The following TENM4 variants were observed in gnomAD, a reference collection of about 807,000 sequenced individuals.
The protein encoded by TENM4 is teneurin transmembrane protein 4, also known as teneurin-4.
Under a neutral mutation model 243.3 loss-of-function variants are expected in TENM4, and 82 were observed. The observed-to-expected ratio is 0.34, with a 90% CI of 0.28 to 0.40. TENM4 has a LOEUF of 0.40. Among genes scored for constraint, TENM4 ranks in the 10% least tolerant of loss-of-function variants. The pLI is 1.00. For missense variants in TENM4, 3,138 were observed against 3,673.3 expected (o/e 0.85, Z 3.77); for synonymous variants, 1,412 against 1,456.3 (o/e 0.97, Z 0.69).
intron 6 of TENM4, among the ~76,000 whole-genome samples, chr11:78,959,221 C>T (rs758391433): frequency 5.8e-4 from 88 of 152,134 alleles, no homozygotes; most frequent in Non-Finnish European, 1.1e-3. Flanking sequence ...AGTTATATCT[C>T]GGAGGAAGGA....
chr11:79,148,404 C>T (rs185423219), intron 4 of TENM4, among the ~76,000 whole-genome samples: 4 of 152,098 alleles, frequency 2.6e-5, no homozygotes, highest in African/African-American at 9.6e-5. Flanking sequence ...CAAGAACAGG[C>T]CAGGGATCTA....
intron 19 of TENM4, among the ~76,000 whole-genome samples, chr11:78,746,175 A>G (rs575638412): frequency 5.3e-5 from 8 of 152,314 alleles, no homozygotes; most frequent in Non-Finnish European, 1.0e-4. Flanking sequence ...GACTGAGTCC[A>G]CGTTCCTCAT....
intron 10 of TENM4, 49 bp downstream of exon 10, chr11:78,862,913 C>T: frequency 7.4e-7 from 1 of 1,350,282 alleles, no homozygotes; most frequent in Non-Finnish European, 9.7e-7. Flanking sequence ...CTCTTCAGCT[C>T]AGAGGCAGAC....
At chr11:79,415,918 C>G (rs933917432) in intron 1 of TENM4, among the ~76,000 whole-genome samples, 2 of 151,952 alleles carry the variant, frequency 1.3e-5, no homozygotes, top group Non-Finnish European at 2.9e-5. Context: ...TCCAGGCAAC[C>G]CCTGACCTGC....
At chr11:78,855,841 T>A in intron 11 of TENM4, 123 bp downstream of exon 11, 3 of 910,588 alleles carry the variant, frequency 3.3e-6, no homozygotes, top group African/African-American at 3.4e-5. Context: ...CATGAATGAA[T>A]GGGCTATAAA....
chr11:78,713,755 T>C (rs1015736102), intron 25 of TENM4, among the ~76,000 whole-genome samples: 1 of 152,230 alleles, frequency 6.6e-6, no homozygotes, highest in Non-Finnish European at 1.5e-5. Context: ...AATGATTGTG[T>C]CTCTTCTTGC....
intron 6 of TENM4, among the ~76,000 whole-genome samples, chr11:78,968,388 G>A (rs1857478475): frequency 1.3e-5 from 2 of 152,154 alleles, no homozygotes. Flanking sequence ...AGGCTCAAGC[G>A]ATCCTCCCAC....
At chr11:79,022,388 T>C (rs1377641864) in intron 6 of TENM4, among the ~76,000 whole-genome samples, 1 of 152,094 alleles carries the variant, frequency 6.6e-6, no homozygotes, top group Non-Finnish European at 1.5e-5. Context: ...TCAAAGGATG[T>C]GCCACCAGTC....
At chr11:79,163,515 A>G (rs1052466244) in intron 3 of TENM4, among the ~76,000 whole-genome samples, 1 of 151,778 alleles carries the variant, frequency 6.6e-6, no homozygotes, top group African/African-American at 2.4e-5. Context: ...CCTATACCCA[A>G]TGTGTAGTCT....
chr11:79,114,411 A>G (rs1023341668), intron 4 of TENM4, among the ~76,000 whole-genome samples: 2 of 152,162 alleles, frequency 1.3e-5, no homozygotes, highest in African/African-American at 4.8e-5. Flanking sequence ...CCTTGTGCAA[A>G]TTTTCTTCAA....
intron 30 of TENM4, 55 bp downstream of exon 30, chr11:78,676,097 C>G (rs1034364356): frequency 7.8e-6 from 11 of 1,412,062 alleles, no homozygotes; most frequent in Admixed American, 2.6e-5. Context: ...GCCCCGTTCT[C>G]CCGTTCCCCA....
chr11:79,427,213 C>T (rs557745034), intron 1 of TENM4, among the ~76,000 whole-genome samples: 4 of 152,294 alleles, frequency 2.6e-5, no homozygotes, highest in East Asian at 3.9e-4. Flanking sequence ...AGGCCCATCA[C>T]GGATCAGCAC....
intron 1 of TENM4, among the ~76,000 whole-genome samples, chr11:79,389,226 G>T (rs758590272): frequency 1.1e-4 from 17 of 152,146 alleles, no homozygotes; most frequent in Admixed American, 2.0e-4. Flanking sequence ...TAAAATCATG[G>T]CTCACTGCAG....
intron 1 of TENM4, among the ~76,000 whole-genome samples, chr11:79,335,360 C>G (rs764249814): frequency 6.6e-6 from 1 of 152,166 alleles, no homozygotes; most frequent in Non-Finnish European, 1.5e-5. Context: ...AAAATAGATG[C>G]CATCCTGCTA....
At chr11:79,367,806 A>AC (rs1857705269) in intron 1 of TENM4, among the ~76,000 whole-genome samples, 1 of 152,166 alleles carries the variant, frequency 6.6e-6, no homozygotes. Flanking sequence ...AAAAAACACA[A>AC]CTTCTTCCTT....
chr11:79,371,510 G>A (rs1043295293), intron 1 of TENM4, among the ~76,000 whole-genome samples: 3 of 152,188 alleles, frequency 2.0e-5, no homozygotes, highest in Non-Finnish European at 4.4e-5. Flanking sequence ...ATTGGCTTTA[G>A]TTCTCCAAGG....
rs368541942 is a variant in TENM4 at position 79,301,900 on chromosome 11, T to G, written c.-320-4357A>C. Among the ~76,000 whole-genome samples, 102 of 152,340 alleles carry G rather than the reference T, an allele frequency of 6.7e-4. 1 individual carries two copies. The South Asian group carries it at 9.5e-3, about 14-fold the overall frequency. Reference sequence around the variant, plus strand: ...GAGGTCTCCCCAGAAGCCCAGCAGATGCTGTCATGCTTCCTGTACTGCCTG... The same window carrying G: ...GAGGTCTCCCCAGAAGCCCAGCAGAGGCTGTCATGCTTCCTGTACTGCCTG... On this transcript the variant is annotated intron_variant, in intron 1 of 33. Transcript: ENST00000278550.
intron 6 of TENM4, among the ~76,000 whole-genome samples, chr11:78,962,462 G>A (rs556738690): frequency 1.7e-4 from 26 of 149,172 alleles, no homozygotes; most frequent in Non-Finnish European, 3.1e-4. Flanking sequence ...GGGAAGGGGG[G>A]GCTCCCAACA....
At chr11:79,277,673 G>A (rs1326509710) in intron 2 of TENM4, among the ~76,000 whole-genome samples, 1 of 152,168 alleles carries the variant, frequency 6.6e-6, no homozygotes, top group African/African-American at 2.4e-5. Context: ...ATGTGAACTG[G>A]GGGCCTGCTG....
Sources: gnomAD v4.1 joint callset for allele counts (sites outside exome capture counted in the v4.1 genomes callset) on GRCh38, gnomAD v4.1.1 for gene constraint, MANE v1.5 for transcripts, NCBI Gene and HGNC (gene_info 2026-07-23, HGNC 2026-07-21) for gene names.